Variants in IRAK2 observed in about 807,000 individuals in gnomAD.
The protein encoded by IRAK2 is interleukin 1 receptor associated kinase 2, also known as interleukin-1 receptor-associated kinase-like 2.
IRAK2 carries 57 observed loss-of-function variants against 72.0 expected under a neutral mutation model. That is an observed-to-expected ratio of 0.79 (90% CI 0.64 to 0.99). The LOEUF is 0.99. IRAK2 is among the 50% of genes least tolerant of loss of function. The pLI is 0.00. For synonymous variants in IRAK2, 293 were observed against 312.7 expected, an observed-to-expected ratio of 0.94 and a Z score of 0.67; for missense variants, 790 against 794.4, an observed-to-expected ratio of 0.99 and a Z score of 0.07.
intron 6 of IRAK2, among the ~76,000 whole-genome samples, chr3:10,215,448 A>G (rs149610886): frequency 2.6e-5 from 4 of 151,626 alleles, no homozygotes; most frequent in Admixed American, 2.6e-4. Context: ...AACAAATTTA[A>G]AAAGGAATAA....
rs1697779932 is a variant in IRAK2 at position 10,226,554 on chromosome 3, C to T, written c.1272+121C>T. ...GCAAATGAGGCCCGGTACAAGGTTG[C>T]ATTTGCATCCCCACAAAGCAGCTTT... On this transcript the variant is annotated intron_variant, in intron 10 of 12. Coordinates refer to ENST00000256458, the MANE Select transcript of IRAK2 (RefSeq NM_001570.4). The T allele has an allele frequency of 4.2e-6, 3 of 718,752 alleles. No individual in the cohort carries two copies. In the East Asian group the frequency reaches 8.6e-5, roughly 21 times the overall value. 44.5% of individuals were successfully genotyped at this position (718,752 alleles called of 1,614,324 possible).
chr3:10,225,293 C>G (rs1375889267), intron 9 of IRAK2, among the ~76,000 whole-genome samples: 1 of 152,142 alleles, frequency 6.6e-6, no homozygotes, highest in Non-Finnish European at 1.5e-5. Context: ...AACTGCTAGT[C>G]CCCATTTAAC....
chr3:10,214,438 C>A (rs1697571751), intron 6 of IRAK2, among the ~76,000 whole-genome samples: 1 of 123,514 alleles, frequency 8.1e-6, no homozygotes, highest in African/African-American at 3.2e-5. Context: ...GCTATGTTGA[C>A]CAGGCTGGTG....
At chr3:10,184,810 A>G (rs1697023403) in intron 2 of IRAK2, among the ~76,000 whole-genome samples, 2 of 147,022 alleles carry the variant, frequency 1.4e-5, no homozygotes, top group South Asian at 4.3e-4. Context: ...GCTCACTGCA[A>G]GCTCCGCCTC....
At chr3:10,197,495 C>T (rs963440790) in intron 2 of IRAK2, among the ~76,000 whole-genome samples, 12 of 152,186 alleles carry the variant, frequency 7.9e-5, no homozygotes, top group African/African-American at 2.9e-4. Flanking sequence ...AGACTATAAC[C>T]ACCACAGAAA....
intron 6 of IRAK2, among the ~76,000 whole-genome samples, chr3:10,215,924 T>C (rs1429615603): frequency 1.3e-5 from 2 of 152,032 alleles, no homozygotes; most frequent in Admixed American, 1.3e-4. Flanking sequence ...CTCTAGGGAG[T>C]GTACGCCAGA....
rs554138293 is a variant in IRAK2 at position 10,239,456 on chromosome 3, C to G, written c.1765+417C>G. Among the ~76,000 whole-genome samples the G allele has an allele frequency of 3.3e-4, 51 of 152,322 alleles. 1 individual carries two copies. Among genetic ancestry groups the G allele is most frequent in the African/African-American group, 1.2e-3 (50 of 41,566 alleles). ...AGGCGAGGTGGCTCACACCTGTAATCCCAGCACTTTGGGAGGCCGAGGCGG... is the reference window on the plus strand; with the variant it reads ...AGGCGAGGTGGCTCACACCTGTAATGCCAGCACTTTGGGAGGCCGAGGCGG... On this transcript the variant is annotated intron_variant, in intron 12 of 12. Transcript: ENST00000256458.
chr3:10,191,336 C>T (rs929336592), intron 2 of IRAK2, among the ~76,000 whole-genome samples: 1 of 152,064 alleles, frequency 6.6e-6, no homozygotes, highest in African/African-American at 2.4e-5. Flanking sequence ...TCGTGACGCC[C>T]AGCCTAATTG....
At chr3:10,216,801 G>A in intron 6 of IRAK2, 133 bp from the exon 7 acceptor site, 2 of 677,454 alleles carry the variant, frequency 3.0e-6, no homozygotes, top group Middle Eastern at 3.1e-4. Flanking sequence ...GGCCCTTAGG[G>A]GTCAGAGTAT....
chr3:10,212,913 C>T (rs535276345), intron 4 of IRAK2, among the ~76,000 whole-genome samples: 199 of 152,056 alleles, frequency 1.3e-3, no homozygotes, highest in African/African-American at 4.4e-3. Context: ...TACAGGCGCC[C>T]GCCACCACGC....
At position 10,165,026 on chromosome 3, in the gene IRAK2, C is replaced by T; in HGVS notation, c.72C>T (p.Ser24=). 1 of 1,611,344 alleles carries T rather than the reference C, an allele frequency of 6.2e-7. No homozygotes were observed. Among genetic ancestry groups the T allele is most frequent in the Non-Finnish European group, 8.5e-7 (1 of 1,179,448 alleles). ...DDLCRNMDAL[S]EWDWMEFASY... ...TGTGCCGCAACATGGACGCGCTCAG[C>T]GAGTGGGACTGGATGGAGTTCGGTG... Residue 24 remains serine (S), a synonymous_variant, in exon 1 of 13, where the codon AGC becomes AGT. Coordinates refer to ENST00000256458, the MANE Select transcript of IRAK2 (RefSeq NM_001570.4).
chr3:10,171,361 T>C (rs1277784395), intron 1 of IRAK2, among the ~76,000 whole-genome samples: 1 of 152,096 alleles, frequency 6.6e-6, no homozygotes, highest in Non-Finnish European at 1.5e-5. Flanking sequence ...ACCCTCACAG[T>C]GTTGCTGAGA....
At chr3:10,182,524 G>T (rs1219015829) in intron 2 of IRAK2, among the ~76,000 whole-genome samples, 1 of 149,622 alleles carries the variant, frequency 6.7e-6, no homozygotes, top group Non-Finnish European at 1.5e-5. Flanking sequence ...CACGTGATCC[G>T]CCCGCCTCGG....
intron 1 of IRAK2, among the ~76,000 whole-genome samples, chr3:10,165,334 G>C (rs544507747): frequency 1.2e-3 from 189 of 152,236 alleles, no homozygotes; most frequent in Non-Finnish European, 1.8e-3. Flanking sequence ...CTGCTGGCTC[G>C]GTGACGTCCC....
At chr3:10,173,809 AG>A (rs763623693) in intron 1 of IRAK2, among the ~76,000 whole-genome samples, 42 of 152,184 alleles carry the variant, frequency 2.8e-4, no homozygotes, top group Non-Finnish European at 5.4e-4. Flanking sequence ...TGGGCAGCAG[AG>A]CAAGACTCCG....
At chr3:10,192,891 C>T (rs1413195739) in intron 2 of IRAK2, among the ~76,000 whole-genome samples, 1 of 152,174 alleles carries the variant, frequency 6.6e-6, no homozygotes. Flanking sequence ...TGTACTCCAG[C>T]CTGGGCAACA....
chr3:10,227,669 T>G (rs953170274), intron 10 of IRAK2, among the ~76,000 whole-genome samples: 7 of 138,234 alleles, frequency 5.1e-5, no homozygotes, highest in Admixed American at 7.2e-5. Context: ...CATGAGTTTT[T>G]TTTTTGTTTT....
chr3:10,222,420 A>G (rs1697711290), intron 8 of IRAK2, among the ~76,000 whole-genome samples: 1 of 152,072 alleles, frequency 6.6e-6, no homozygotes, highest in Non-Finnish European at 1.5e-5. Context: ...CAGCAAGACT[A>G]AGTCTGAACT....
chr3:10,219,130 T>C (rs1697648566), intron 7 of IRAK2, among the ~76,000 whole-genome samples: 1 of 152,118 alleles, frequency 6.6e-6, no homozygotes, highest in Admixed American at 6.6e-5. Flanking sequence ...CCTGGGATTT[T>C]AAGGCTACAG....
Sources: allele counts gnomAD v4.1 joint callset (sites outside exome capture counted in the v4.1 genomes callset), GRCh38; gene constraint gnomAD v4.1.1; transcripts MANE v1.5; gene names NCBI Gene and HGNC (gene_info 2026-07-23, HGNC 2026-07-21).